Variants in ROBO2 observed in about 807,000 individuals in gnomAD.
ROBO2 encodes the protein roundabout guidance receptor 2.
ROBO2 carries 53 observed loss-of-function variants against 160.8 expected under a neutral mutation model. The ratio of observed to expected loss-of-function variants is 0.33; its 90% CI spans 0.26 to 0.41. The LOEUF (loss-of-function observed/expected upper bound fraction) is 0.41, where lower values mean the gene tolerates loss of function less well. Among genes scored for constraint, ROBO2 ranks in the 10% least tolerant of loss-of-function variants. ROBO2 has a pLI of 1.00. For synonymous variants in ROBO2, 664 were observed against 611.7 expected (o/e 1.09, Z -1.26); for missense variants, 1,577 against 1,722.4 (o/e 0.92, Z 1.49).
intron 4 of ROBO2, among the ~76,000 whole-genome samples, chr3:77,484,151 T>C (rs1275237336): frequency 7.9e-5 from 12 of 152,034 alleles, no homozygotes; most frequent in African/African-American, 2.4e-4. Flanking sequence ...CTGGGCATTA[T>C]CAAATCTAAA....
intron 15 of ROBO2, among the ~76,000 whole-genome samples, chr3:77,578,776 G>A (rs2093834774): frequency 6.6e-6 from 1 of 152,050 alleles, no homozygotes; most frequent in African/African-American, 2.4e-5. Context: ...CTCTGTGTGA[G>A]TTTGAGTGTG....
intron 2 of ROBO2, among the ~76,000 whole-genome samples, chr3:76,356,799 G>A (rs2075198152): frequency 6.6e-6 from 1 of 151,714 alleles, no homozygotes. Context: ...CTATGCAACT[G>A]CAGAAAGTAT....
At chr3:76,734,184 A>C (rs1445247358) in intron 2 of ROBO2, among the ~76,000 whole-genome samples, 5 of 152,180 alleles carry the variant, frequency 3.3e-5, no homozygotes, top group Non-Finnish European at 7.4e-5. Context: ...ACATTTTAGA[A>C]TCTTTAGAAT....
chr3:76,212,540 G>C (rs1281765632), intron 2 of ROBO2, among the ~76,000 whole-genome samples: 1 of 151,758 alleles, frequency 6.6e-6, no homozygotes, highest in African/African-American at 2.4e-5. Flanking sequence ...TTTTATCTTG[G>C]AATATTTGTT....
chr3:77,471,839 C>A, intron 2 of ROBO2, among the ~76,000 whole-genome samples: 1 of 152,092 alleles, frequency 6.6e-6, no homozygotes, highest in East Asian at 1.9e-4. Context: ...ATGAATGGGC[C>A]TGAAGAACAA....
At chr3:75,920,184 C>T (rs1379829560) in intron 1 of ROBO2, among the ~76,000 whole-genome samples, 2 of 152,182 alleles carry the variant, frequency 1.3e-5, no homozygotes, top group Non-Finnish European at 2.9e-5. Context: ...AAATTTCCCT[C>T]TAAACACTGT....
intron 2 of ROBO2, among the ~76,000 whole-genome samples, chr3:76,834,052 C>CCTTTCTTTCTTTT (rs2067352469): frequency 2.1e-5 from 1 of 47,100 alleles, no homozygotes; most frequent in Non-Finnish European, 4.3e-5. Context: ...TTCTTTCTCT[C>CCTTTCTTTCTTTT]CTTTCTTTCT....
At chr3:77,024,214 A>G (rs1478092143) in intron 2 of ROBO2, among the ~76,000 whole-genome samples, 3 of 152,222 alleles carry the variant, frequency 2.0e-5, no homozygotes, top group African/African-American at 7.2e-5. Context: ...TGAACATTTC[A>G]GCATAGAACA....
At position 77,292,471 on chromosome 3, in the gene ROBO2, C is replaced by T. The variant is rs150935379; in HGVS notation, c.389-184943C>T. On this transcript the variant is annotated intron_variant, in intron 2 of 25. Transcript: ENST00000461745. ...ACATAAAGAAAAATTGATGCTTAAA[C>T]GGGTAAACTGAGGCTAGAGCACTAA... 4.2e-3 allele frequency among the ~76,000 whole-genome samples: 623 copies of T among 149,218 alleles called. 3 individuals carry two copies. The highest frequency in any genetic ancestry group is 0.013 in the African/African-American group (523 of 40,638).
intron 1 of ROBO2, among the ~76,000 whole-genome samples, chr3:77,083,396 G>A (rs1309494576): frequency 6.6e-6 from 1 of 152,160 alleles, no homozygotes; most frequent in Non-Finnish European, 1.5e-5. Flanking sequence ...GGCCAAGGGA[G>A]TATAAAAATT....
rs201338607 is a variant in ROBO2, at chr3:77,634,975, A to C, written c.3866A>C (p.Lys1289Thr). The C allele has an allele frequency of 5.6e-6, 9 of 1,614,170 alleles. No individual in the cohort carries two copies. Among genetic ancestry groups the C allele is most frequent in the Non-Finnish European group, 6.8e-6 (8 of 1,180,020 alleles). Reference sequence around the variant, plus strand: ...CAAAGTCAGAGGCCTCGGCCCACTAAAAAACACAAGGGAGGGCGGATGGAC... The same window carrying C: ...CAAAGTCAGAGGCCTCGGCCCACTACAAAACACAAGGGAGGGCGGATGGAC... The change falls in exon 24 of 26, where the codon AAA becomes ACA. Residue 1289 changes from lysine (K) to threonine (T), a missense_variant. This residue lies in a region of ROBO2 where 637 missense variants were observed against 586.9 expected (regional missense o/e 1.09). Transcript: ENST00000461745.
intron 2 of ROBO2, among the ~76,000 whole-genome samples, chr3:77,340,199 T>G (rs2066917185): frequency 6.6e-6 from 1 of 152,122 alleles, no homozygotes; most frequent in African/African-American, 2.4e-5. Flanking sequence ...AATCATTTCT[T>G]TGTCATGAAT....
Position 76,754,994 on chromosome 3 carries a change from A to G in ROBO2, c.110-343020A>G, listed in dbSNP as rs2060887475. ...TTCACATTAGATAAATTTTGTCTCT[A>G]GTGATCTACCTACACATTATAAACT... is the stretch of plus-strand genomic sequence containing the variant. On this transcript the variant is annotated intron_variant, in intron 2 of 26. Coordinates refer to the ROBO2 transcript ENST00000487694. Among the ~76,000 whole-genome samples, 3 of 151,904 alleles carry G rather than the reference A, an allele frequency of 2.0e-5. No individual in the cohort carries two copies. The South Asian group carries it at 6.2e-4, about 31-fold the overall frequency.
chr3:76,306,622 C>CT, intron 2 of ROBO2, among the ~76,000 whole-genome samples: 1 of 152,092 alleles, frequency 6.6e-6, no homozygotes, highest in East Asian at 1.9e-4. Flanking sequence ...AAGAAGAGAG[C>CT]TTAAACGCTG....
intron 2 of ROBO2, among the ~76,000 whole-genome samples, chr3:77,238,210 G>A (rs1260382272): frequency 6.6e-6 from 1 of 152,044 alleles, no homozygotes; most frequent in Non-Finnish European, 1.5e-5. Context: ...CATCTATCAT[G>A]TAGCATATAG....
chr3:77,355,758 A>G (rs9810577), intron 2 of ROBO2, among the ~76,000 whole-genome samples: 118,479 of 152,010 alleles, frequency 0.78, 46,968 homozygotes, highest in Non-Finnish European at 0.86. Flanking sequence ...CAAAACGTGG[A>G]GAAAAATTAC....
chr3:76,981,375 T>C (rs773558726), intron 2 of ROBO2, among the ~76,000 whole-genome samples: 1 of 152,194 alleles, frequency 6.6e-6, no homozygotes, highest in Non-Finnish European at 1.5e-5. Flanking sequence ...ACAGCTATCA[T>C]AGTGGTTGTG....
chr3:76,236,482 A>T (rs1704952188), intron 2 of ROBO2, among the ~76,000 whole-genome samples: 9 of 152,190 alleles, frequency 5.9e-5, no homozygotes, highest in Admixed American at 5.9e-4. Context: ...GAATGTCTTC[A>T]TCAAAGAACA....
chr3:76,557,003 T>A (rs1191281614), intron 2 of ROBO2, among the ~76,000 whole-genome samples: 2 of 152,242 alleles, frequency 1.3e-5, no homozygotes, highest in East Asian at 3.9e-4. Flanking sequence ...AAGATGAACA[T>A]TTAGCTTATT....
Sources: gnomAD v4.1 joint callset for allele counts (sites outside exome capture counted in the v4.1 genomes callset) on GRCh38, gnomAD v4.1.1 for gene constraint, gnomAD v4.1.1 regional missense constraint, MANE v1.5 for transcripts, NCBI Gene and HGNC (gene_info 2026-07-23, HGNC 2026-07-21) for gene names.